Variants in GALNT13 observed in about 807,000 individuals in gnomAD.
The protein encoded by GALNT13 is polypeptide N-acetylgalactosaminyltransferase 13, also known as UDP-GalNAc:polypeptide N-acetylgalactosaminyltransferase 13.
In GALNT13, 28 loss-of-function variants were observed where a neutral mutation model predicts 64.2. The observed-to-expected ratio is 0.44, with a 90% CI of 0.32 to 0.60. The LOEUF is 0.60. Ranked by LOEUF, GALNT13 falls within the 20% of genes least tolerant of loss-of-function variation. The probability of loss-of-function intolerance (pLI) is 0.05; values close to 1 mark genes in which losing one functional copy is unlikely to be tolerated. For synonymous variants in GALNT13, 214 were observed against 224.6 expected (o/e 0.95, Z 0.42); for missense variants, 577 against 669.8 (o/e 0.86, Z 1.53).
At chr2:154,109,292 T>TAGA (rs1390715776) in intron 3 of GALNT13, among the ~76,000 whole-genome samples, 1 of 152,156 alleles carries the variant, frequency 6.6e-6, no homozygotes, top group East Asian at 1.9e-4. Flanking sequence ...TAGTTTGTTC[T>TAGA]TAGTGTCTAT....
chr2:153,470,142 C>T, the GALNT13 span, among the ~76,000 whole-genome samples: 4 of 152,250 alleles, frequency 2.6e-5, no homozygotes, highest in South Asian at 2.1e-4. Context: ...TGTGTGGAAC[C>T]GTAGGAAATA....
At chr2:153,460,806 A>G in the GALNT13 span, among the ~76,000 whole-genome samples, 13 of 152,142 alleles carry the variant, frequency 8.5e-5, no homozygotes, top group African/African-American at 3.1e-4. Context: ...CAAGAATACC[A>G]CTGTCTACTA....
chr2:153,788,848 G>T, the GALNT13 span, among the ~76,000 whole-genome samples: 1 of 151,670 alleles, frequency 6.6e-6, no homozygotes, highest in Non-Finnish European at 1.5e-5. Context: ...TCAAAAAAAG[G>T]CAAAAAGGGC....
chr2:153,829,779 A>G, the GALNT13 span, among the ~76,000 whole-genome samples: 1 of 152,224 alleles, frequency 6.6e-6, no homozygotes, highest in Non-Finnish European at 1.5e-5. Flanking sequence ...CAAAATTAAT[A>G]TTTTGCAAAT....
chr2:154,003,313 C>A (rs545467923), intron 3 of GALNT13, among the ~76,000 whole-genome samples: 18 of 152,234 alleles, frequency 1.2e-4, no homozygotes, highest in African/African-American at 4.3e-4. Context: ...AAACATCCAC[C>A]TTTATTTCTT....
the GALNT13 span, among the ~76,000 whole-genome samples, chr2:153,657,749 C>A: frequency 6.6e-6 from 1 of 152,238 alleles, no homozygotes; most frequent in South Asian, 2.1e-4. Context: ...CAATTAGTCT[C>A]TTGTAGCATA....
chr2:153,313,548 G>A, the GALNT13 span, among the ~76,000 whole-genome samples: 3 of 151,994 alleles, frequency 2.0e-5, no homozygotes, highest in East Asian at 1.9e-4. Context: ...CCTATCAGAG[G>A]GTGGCGGGGT....
chr2:153,873,218 C>G (rs1245709869), intron 1 of GALNT13, among the ~76,000 whole-genome samples: 1 of 152,064 alleles, frequency 6.6e-6, no homozygotes, highest in Non-Finnish European at 1.5e-5. Context: ...AGTGGGGACG[C>G]GGAGGAGACA....
chr2:154,001,839 G>A (rs1695930174), intron 3 of GALNT13, among the ~76,000 whole-genome samples: 1 of 151,986 alleles, frequency 6.6e-6, no homozygotes, highest in Non-Finnish European at 1.5e-5. Flanking sequence ...TTTATTCAAA[G>A]ACTTGTCTGT....
At chr2:154,183,881 T>C (rs1686103636) in intron 4 of GALNT13, among the ~76,000 whole-genome samples, 1 of 152,102 alleles carries the variant, frequency 6.6e-6, no homozygotes, top group South Asian at 2.1e-4. Flanking sequence ...TGGGGATTAG[T>C]ATTCTTTTTC....
chr2:154,118,145 C>G (rs1355725626), intron 3 of GALNT13, among the ~76,000 whole-genome samples: 1 of 152,044 alleles, frequency 6.6e-6, no homozygotes, highest in East Asian at 1.9e-4. Context: ...TGTGATCTAT[C>G]TCTCTTTTCA....
chr2:153,755,449 C>T, the GALNT13 span, among the ~76,000 whole-genome samples: 4 of 152,188 alleles, frequency 2.6e-5, no homozygotes, highest in South Asian at 8.3e-4. Context: ...TGCATTCTGA[C>T]AGGTACTAGA....
intron 3 of GALNT13, among the ~76,000 whole-genome samples, chr2:154,002,532 T>C (rs989763666): frequency 1.3e-5 from 2 of 152,088 alleles, no homozygotes; most frequent in African/African-American, 4.8e-5. Flanking sequence ...TTTCTGCTTT[T>C]ATTCCTAGGT....
chr2:153,856,025 G>A, the GALNT13 span, among the ~76,000 whole-genome samples: 1 of 152,142 alleles, frequency 6.6e-6, no homozygotes, highest in East Asian at 1.9e-4. Flanking sequence ...AGGCAAATAT[G>A]TAGAGACAGA....
chr2:153,595,201 A>G, the GALNT13 span, among the ~76,000 whole-genome samples: 3 of 151,988 alleles, frequency 2.0e-5, no homozygotes, highest in South Asian at 2.1e-4. Context: ...TTGAAGTGTT[A>G]ATAGTATCCA....
chr2:153,275,797 A>G, the GALNT13 span, among the ~76,000 whole-genome samples: 3 of 152,170 alleles, frequency 2.0e-5, no homozygotes, highest in Admixed American at 2.0e-4. Context: ...GTATTTTTCC[A>G]TGGCAGATTA....
Position 154,118,207 on chromosome 2 carries a change from G to A in GALNT13, c.143-22130G>A, listed in dbSNP as rs796551743. On this transcript the variant is annotated intron_variant, in intron 3 of 12. Coordinates refer to ENST00000392825, the MANE Select transcript of GALNT13 (RefSeq NM_052917.4). The stretch of plus-strand genomic sequence containing the variant: ...ATTTAGCTTTTCCAATTTTGGGTGC[G>A]GTGCATATATATTTACAACTGATAT... Among the ~76,000 whole-genome samples the A allele has an allele frequency of 4.1e-4, 62 of 149,814 alleles. 1 individual carries two copies. Among genetic ancestry groups the A allele is most frequent in the African/African-American group, 1.4e-3 (56 of 41,030 alleles).
At chr2:153,146,045 G>A in the GALNT13 span, among the ~76,000 whole-genome samples, 1 of 151,894 alleles carries the variant, frequency 6.6e-6, no homozygotes, top group East Asian at 1.9e-4. Flanking sequence ...AGCTTACAGA[G>A]TGAATTAGTA....
At chr2:153,298,969 G>A in the GALNT13 span, among the ~76,000 whole-genome samples, 31 of 152,142 alleles carry the variant, frequency 2.0e-4, no homozygotes, top group African/African-American at 7.5e-4. Context: ...TGATTTTCTA[G>A]GTTGTCCATT....
Sources: gnomAD v4.1 joint callset for allele counts (sites outside exome capture counted in the v4.1 genomes callset) on GRCh38, gnomAD v4.1.1 for gene constraint, MANE v1.5 for transcripts, NCBI Gene and HGNC (gene_info 2026-07-23, HGNC 2026-07-21) for gene names.